Variants in CADM2 observed in about 807,000 individuals in gnomAD.
CADM2 encodes immunoglobulin superfamily member 4D.
Under a neutral mutation model 49.8 loss-of-function variants are expected in CADM2, and 12 were observed. The ratio of observed to expected loss-of-function variants is 0.24; its 90% CI spans 0.15 to 0.39. The LOEUF is 0.39. Ranked by LOEUF, CADM2 falls within the 10% of genes least tolerant of loss-of-function variation. The pLI, the probability that CADM2 is intolerant of heterozygous loss-of-function variation, is 1.00. For missense variants in CADM2, 378 were observed against 492.3 expected, an observed-to-expected ratio of 0.77 and a Z score of 2.20; for synonymous variants, 214 against 175.4, an observed-to-expected ratio of 1.22 and a Z score of -1.74.
At chr3:85,770,291 A>G (rs2070010510) in intron 2 of CADM2, among the ~76,000 whole-genome samples, 1 of 152,118 alleles carries the variant, frequency 6.6e-6, no homozygotes. Flanking sequence ...AAAATGAAGC[A>G]CAGGTAATGA....
intron 1 of CADM2, among the ~76,000 whole-genome samples, chr3:85,325,114 G>T (rs2044713283): frequency 6.6e-6 from 1 of 152,224 alleles, no homozygotes; most frequent in South Asian, 2.1e-4. Context: ...AGTATGAGCT[G>T]TAAAGCACAC....
At chr3:85,343,203 G>A (rs539872264) in intron 1 of CADM2, among the ~76,000 whole-genome samples, 1 of 152,146 alleles carries the variant, frequency 6.6e-6, no homozygotes, top group East Asian at 1.9e-4. Flanking sequence ...TGCCAACTGT[G>A]GCAACATAGA....
rs189229303 is a variant in CADM2 at position 85,272,382 on chromosome 3, T to C, written c.61+312714T>C. The stretch of plus-strand genomic sequence containing the variant: ...GATGAAAAAGAAGTATGTTATTATA[T>C]GCCATTTTAAATCAAATTTACTTCT... On this transcript the variant is annotated intron_variant, in intron 1 of 9. Transcript: ENST00000383699. Among the ~76,000 whole-genome samples, 390 of 151,348 alleles carry C rather than the reference T, an allele frequency of 2.6e-3. 2 individuals are homozygous for C. Among genetic ancestry groups the C allele is most frequent in the Admixed American group, 5.2e-3 (78 of 15,110 alleles).
At chr3:85,710,542 T>C (rs2067087895) in intron 1 of CADM2, among the ~76,000 whole-genome samples, 1 of 152,150 alleles carries the variant, frequency 6.6e-6, no homozygotes, top group African/African-American at 2.4e-5. Context: ...TTATATTCTT[T>C]CCAGTTTGCA....
At chr3:84,961,662 C>A (rs781596192) in intron 1 of CADM2, among the ~76,000 whole-genome samples, 5 of 151,768 alleles carry the variant, frequency 3.3e-5, no homozygotes, top group Non-Finnish European at 5.9e-5. Context: ...CGGCGTGTGC[C>A]GTGTTGGGGG....
chr3:85,380,739 A>T (rs1414326732), intron 1 of CADM2, among the ~76,000 whole-genome samples: 1 of 151,924 alleles, frequency 6.6e-6, no homozygotes, highest in African/African-American at 2.4e-5. Context: ...CTCAATTCTA[A>T]ATATCCTCCA....
At chr3:85,676,544 A>G (rs1049927609) in intron 1 of CADM2, among the ~76,000 whole-genome samples, 1 of 152,192 alleles carries the variant, frequency 6.6e-6, no homozygotes, top group Admixed American at 6.5e-5. Context: ...GTGAGATTTC[A>G]AAGTTGGTAA....
intron 2 of CADM2, among the ~76,000 whole-genome samples, chr3:85,736,959 T>C (rs1246471758): frequency 2.0e-5 from 3 of 152,190 alleles, no homozygotes; most frequent in Non-Finnish European, 4.4e-5. Flanking sequence ...CTTTCAAGAA[T>C]ACAGTTGAAA....
At chr3:86,057,345 G>A (rs1265504268) in intron 8 of CADM2, among the ~76,000 whole-genome samples, 2 of 152,068 alleles carry the variant, frequency 1.3e-5, no homozygotes, top group Non-Finnish European at 2.9e-5. Context: ...CTAATTTAAT[G>A]TTAGAATCAA....
intron 3 of CADM2, among the ~76,000 whole-genome samples, chr3:85,818,784 T>C (rs1190780013): frequency 3.3e-5 from 5 of 152,032 alleles, no homozygotes; most frequent in African/African-American, 9.7e-5. Context: ...ATAAAAATGA[T>C]TTTAGCAGCT....
intron 1 of CADM2, among the ~76,000 whole-genome samples, chr3:84,981,769 G>C (rs1241220062): frequency 6.6e-6 from 1 of 152,014 alleles, no homozygotes; most frequent in Non-Finnish European, 1.5e-5. Context: ...CCTGGAAAGA[G>C]TCATCTTATT....
intron 1 of CADM2, among the ~76,000 whole-genome samples, chr3:85,006,975 A>G (rs555682794): frequency 6.6e-6 from 1 of 152,246 alleles, no homozygotes; most frequent in Admixed American, 6.6e-5. Flanking sequence ...TTAATGTCCA[A>G]TAAAATGTTG....
chr3:85,437,052 CTT>C (rs924632377), intron 1 of CADM2, among the ~76,000 whole-genome samples: 13 of 146,902 alleles, frequency 8.8e-5, no homozygotes, highest in Admixed American at 6.7e-4. Flanking sequence ...TTACTACTGT[CTT>C]TATAGTTTTG....
intron 1 of CADM2, among the ~76,000 whole-genome samples, chr3:85,568,405 T>TTCTTTTTCTTTCTTTCTCTCTC (rs2062339971): frequency 3.6e-5 from 1 of 27,566 alleles, no homozygotes; most frequent in Non-Finnish European, 7.8e-5. Flanking sequence ...CCCTCTTTCT[T>TTCTTTTTCTTTCTTTCTCTCTC]TCTTTCTTTC....
chr3:85,749,324 A>G (rs2068762640), intron 2 of CADM2, among the ~76,000 whole-genome samples: 1 of 151,922 alleles, frequency 6.6e-6, no homozygotes, highest in South Asian at 2.1e-4. Context: ...TTCTTACTTC[A>G]TCTGTATTGC....
intron 3 of CADM2, among the ~76,000 whole-genome samples, chr3:85,877,318 G>A (rs1712020649): frequency 6.6e-6 from 1 of 151,914 alleles, no homozygotes; most frequent in African/African-American, 2.4e-5. Flanking sequence ...AAATGTTTGA[G>A]TTTTTAGTTT....
intron 1 of CADM2, among the ~76,000 whole-genome samples, chr3:85,602,218 C>G (rs2063427186): frequency 6.6e-6 from 1 of 151,684 alleles, no homozygotes; most frequent in Non-Finnish European, 1.5e-5. Context: ...AATTTATGTT[C>G]TAATGCTCCC....
intron 1 of CADM2, among the ~76,000 whole-genome samples, chr3:85,679,748 A>G (rs2065988166): frequency 1.3e-5 from 2 of 152,126 alleles, no homozygotes. Flanking sequence ...CACTGAGCTT[A>G]TTATATAATG....
intron 1 of CADM2, among the ~76,000 whole-genome samples, chr3:85,630,300 C>T (rs567861583): frequency 6.6e-6 from 1 of 152,014 alleles, no homozygotes; most frequent in African/African-American, 2.4e-5. Flanking sequence ...CGACTTATAC[C>T]TGACAATCTT....
Sources: gnomAD v4.1 joint callset for allele counts (sites outside exome capture counted in the v4.1 genomes callset) on GRCh38, gnomAD v4.1.1 for gene constraint, MANE v1.5 for transcripts, NCBI Gene and HGNC (gene_info 2026-07-23, HGNC 2026-07-21) for gene names.